The following DLG2 variants were observed in gnomAD, a reference collection of about 807,000 sequenced individuals.
DLG2 encodes discs large MAGUK scaffold protein 2.
Under a neutral mutation model 132.5 loss-of-function variants are expected in DLG2, and 45 were observed. The observed-to-expected ratio is 0.34, with a 90% CI of 0.27 to 0.44. The LOEUF (loss-of-function observed/expected upper bound fraction) is 0.44, where lower values mean the gene tolerates loss of function less well. Ranked by LOEUF, DLG2 falls within the 20% of genes least tolerant of loss-of-function variation. The pLI is 1.00. For missense variants in DLG2, 1,045 were observed against 1,196.9 expected (o/e 0.87, Z 1.87); for synonymous variants, 424 against 419.6 (o/e 1.01, Z -0.13).
rs192915577 is a variant in DLG2, at chr11:83,703,659, C to A, written c.1826-70334G>T. On this transcript the variant is annotated intron_variant, in intron 18 of 27. Coordinates refer to ENST00000376104, the MANE Select transcript of DLG2 (RefSeq NM_001142699.3). ...AGTGAAACTCTGTCTCAAAAAAAAT[C>A]AACAAAAACCAAAGTTTTCTTTACA... 6.6e-5 allele frequency among the ~76,000 whole-genome samples: 10 copies of A among 152,192 alleles called. No individual in the cohort carries two copies. In the East Asian group the frequency reaches 1.7e-3, roughly 26 times the overall value.
chr11:84,720,358 T>C (rs1248505114), intron 6 of DLG2: 1 of 985,374 alleles, frequency 1.0e-6, no homozygotes, highest in Non-Finnish European at 1.2e-6. Flanking sequence ...TGGCAAATCA[T>C]TGGTGTAAAA....
intron 6 of DLG2, among the ~76,000 whole-genome samples, chr11:84,591,260 C>T (rs368001205): frequency 4.1e-3 from 115 of 28,248 alleles, no homozygotes; most frequent in African/African-American, 0.013. Context: ...TGTGTGTGCG[C>T]GTCTTTCTCC....
intron 4 of DLG2, among the ~76,000 whole-genome samples, chr11:85,214,197 C>G (rs902548098): frequency 6.6e-6 from 1 of 152,144 alleles, no homozygotes; most frequent in African/African-American, 2.4e-5. Context: ...CTACCCTCTC[C>G]TTTCAGCTGC....
chr11:84,559,238 A>G (rs2099418254), intron 6 of DLG2, among the ~76,000 whole-genome samples: 1 of 152,146 alleles, frequency 6.6e-6, no homozygotes, highest in African/African-American at 2.4e-5. Flanking sequence ...TGTTGTCATT[A>G]TAACAAAAAT....
chr11:83,534,758 G>T (rs2141178329), intron 20 of DLG2, among the ~76,000 whole-genome samples: 1 of 152,256 alleles, frequency 6.6e-6, no homozygotes, highest in African/African-American at 2.4e-5. Context: ...CCAACAGGGT[G>T]AAACCCTGTT....
chr11:83,586,428 G>A (rs900812390), intron 19 of DLG2, among the ~76,000 whole-genome samples: 1 of 152,192 alleles, frequency 6.6e-6, no homozygotes, highest in African/African-American at 2.4e-5. Context: ...TTGCTTCTCT[G>A]TGCCTCAGCT....
intron 5 of DLG2, among the ~76,000 whole-genome samples, chr11:85,124,593 A>G: frequency 6.6e-6 from 1 of 152,218 alleles, no homozygotes; most frequent in East Asian, 1.9e-4. Flanking sequence ...GGAAACCTCA[A>G]GTCTATATTT....
chr11:84,661,759 C>T (rs1253051415), intron 6 of DLG2, among the ~76,000 whole-genome samples: 1 of 151,962 alleles, frequency 6.6e-6, no homozygotes, highest in African/African-American at 2.4e-5. Context: ...GAGAGATGTC[C>T]CTCATTCACT....
At chr11:85,033,222 C>A (rs576898261) in intron 6 of DLG2, among the ~76,000 whole-genome samples, 1 of 151,966 alleles carries the variant, frequency 6.6e-6, no homozygotes, top group Non-Finnish European at 1.5e-5. Context: ...AAATATTAAT[C>A]TTTTCAAATG....
chr11:85,030,164 T>C (rs759584526), intron 6 of DLG2, among the ~76,000 whole-genome samples: 4 of 152,240 alleles, frequency 2.6e-5, no homozygotes, highest in Non-Finnish European at 4.4e-5. Context: ...AGTTTTACTT[T>C]TGTCAATATT....
chr11:83,558,511 G>A (rs1377369835), intron 19 of DLG2, among the ~76,000 whole-genome samples: 2 of 152,082 alleles, frequency 1.3e-5, no homozygotes, highest in South Asian at 2.1e-4. Context: ...TTGGTTAACC[G>A]CTACAGTAGG....
chr11:84,283,802 G>T (rs899540294), intron 7 of DLG2, among the ~76,000 whole-genome samples: 3 of 152,048 alleles, frequency 2.0e-5, no homozygotes, highest in Non-Finnish European at 4.4e-5. Flanking sequence ...ACTCTTTAAA[G>T]GTTTGCTTGA....
chr11:83,764,841 C>T (rs1247668858), intron 18 of DLG2, among the ~76,000 whole-genome samples: 1 of 152,090 alleles, frequency 6.6e-6, no homozygotes, highest in Non-Finnish European at 1.5e-5. Context: ...AATACTATGG[C>T]CTTTGAAGCC....
intron 3 of DLG2, among the ~76,000 whole-genome samples, chr11:85,443,568 T>A (rs2091883432): frequency 6.6e-6 from 1 of 152,224 alleles, no homozygotes; most frequent in African/African-American, 2.4e-5. Context: ...GACTCTTAAA[T>A]GTGCTACACA....
chr11:84,797,944 T>C lies in DLG2; in HGVS notation c.358-263213A>G, dbSNP rs146951604. 9.4e-4 allele frequency among the ~76,000 whole-genome samples: 143 copies of C among 152,292 alleles called. 3 individuals are homozygous for C. The highest frequency in any genetic ancestry group is 6.8e-3 in the Middle Eastern group (2 of 294). ...ACTCACAGAGGTACCACTATGGTGG[T>C]CTTGGATAAAATTCAGAAGAATTCT... On this transcript the variant is annotated intron_variant, in intron 6 of 27. Coordinates refer to ENST00000376104, the MANE Select transcript of DLG2 (RefSeq NM_001142699.3).
intron 3 of DLG2, among the ~76,000 whole-genome samples, chr11:85,313,741 G>A (rs1044705455): frequency 2.0e-5 from 3 of 151,766 alleles, no homozygotes; most frequent in African/African-American, 7.3e-5. Context: ...CTTGGTTTTT[G>A]TTTCCTAATA....
chr11:85,559,717 G>C (rs2077123747), intron 3 of DLG2, among the ~76,000 whole-genome samples: 1 of 151,656 alleles, frequency 6.6e-6, no homozygotes, highest in African/African-American at 2.4e-5. Flanking sequence ...AAGCACTGAA[G>C]TTGCTGTTCA....
chr11:85,440,609 T>C (rs2091729874), intron 3 of DLG2, among the ~76,000 whole-genome samples: 1 of 152,218 alleles, frequency 6.6e-6, no homozygotes, highest in African/African-American at 2.4e-5. Context: ...TAGACTGTTT[T>C]TGAAAATTCA....
At chr11:84,546,763 C>A in intron 6 of DLG2, 1 of 334,600 alleles carries the variant, frequency 3.0e-6, no homozygotes. Flanking sequence ...TTCAGACTCT[C>A]ATGGGTTGTT....
Sources: allele counts gnomAD v4.1 joint callset (sites outside exome capture counted in the v4.1 genomes callset), GRCh38; gene constraint gnomAD v4.1.1; transcripts MANE v1.5; gene names NCBI Gene and HGNC (gene_info 2026-07-23, HGNC 2026-07-21).